Variants in ZNF682 observed in about 807,000 individuals in gnomAD.
ZNF682 encodes the protein zinc finger protein 682.
Under a neutral mutation model 36.5 loss-of-function variants are expected in ZNF682, and 29 were observed. That is an observed-to-expected ratio of 0.80 (90% CI 0.59 to 1.08). The LOEUF is 1.08. Among genes scored for constraint, ZNF682 ranks in the 50% least tolerant of loss-of-function variants. The pLI is 0.00. For synonymous variants in ZNF682, 180 were observed against 197.0 expected (o/e 0.91, Z 0.72); for missense variants, 561 against 579.7 (o/e 0.97, Z 0.33).
At chr19:20,007,331 AT>A in intron 3 of ZNF682, 56 bp from the exon 4 acceptor site, 1 of 1,433,186 alleles carries the variant, frequency 7.0e-7, no homozygotes, top group South Asian at 1.4e-5. Context: ...TCAGATACAT[AT>A]ACTTTACAAA....
At chr19:20,000,484 G>A (rs1215103822), downstream of ZNF682, among the ~76,000 whole-genome samples, 1 of 152,154 alleles carries the variant, frequency 6.6e-6, no homozygotes, top group Non-Finnish European at 1.5e-5. Context: ...GTTTCATCTA[G>A]ACAGCCCCAC....
chr19:20,029,048 G>A (rs2088457091), intron 1 of ZNF682, among the ~76,000 whole-genome samples: 1 of 143,930 alleles, frequency 6.9e-6, no homozygotes, highest in Admixed American at 7.2e-5. Context: ...GCACGATCTT[G>A]GCTCACTGCA....
At chr19:19,997,620 T>C (rs2088135795) in intron 3 of ZNF682, among the ~76,000 whole-genome samples, 1 of 152,108 alleles carries the variant, frequency 6.6e-6, no homozygotes, top group South Asian at 2.1e-4. Context: ...CATTTGGAAG[T>C]GGTAGAAAAC....
chr19:20,030,242 A>T (rs984554002), intron 1 of ZNF682, among the ~76,000 whole-genome samples: 12 of 152,320 alleles, frequency 7.9e-5, no homozygotes, highest in African/African-American at 2.9e-4. Context: ...TAGAAGCTAA[A>T]TATTTAGTCT....
intron 3 of ZNF682, chr19:19,997,315 T>C (rs2088133885): frequency 2.5e-6 from 1 of 398,618 alleles, no homozygotes; most frequent in South Asian, 1.3e-4. Context: ...AGACAATGGC[T>C]ACAGCAAAGC....
At chr19:20,008,532 G>T (rs1353924827) in intron 3 of ZNF682, among the ~76,000 whole-genome samples, 1 of 152,144 alleles carries the variant, frequency 6.6e-6, no homozygotes, top group Non-Finnish European at 1.5e-5. Flanking sequence ...CCATCCTCGA[G>T]CCATGGCATC....
intron 2 of ZNF682, 23 bp downstream of exon 2, chr19:20,024,227 T>C (rs2088411575): frequency 1.2e-6 from 2 of 1,612,088 alleles, no homozygotes; most frequent in Non-Finnish European, 8.5e-7. Flanking sequence ...GAAATAGAAA[T>C]TGTGTATTGA....
chr19:20,039,079 C>G, intron 1 of ZNF682: 2 of 1,307,966 alleles, frequency 1.5e-6, no homozygotes, highest in South Asian at 1.8e-5. Context: ...GGGGCAGACG[C>G]AAGAACGCGC....
intron 3 of ZNF682, among the ~76,000 whole-genome samples, chr19:20,014,528 T>C (rs1403590804): frequency 1.3e-5 from 2 of 151,818 alleles, no homozygotes; most frequent in Non-Finnish European, 2.9e-5. Context: ...TCCCAGGACT[T>C]TGGGAGGCCC....
chr19:20,024,402 A>C lies in ZNF682; in HGVS notation c.4-26T>G, dbSNP rs1285044188. 9.4e-6 allele frequency: 15 copies of C among 1,596,130 alleles called. No individual in the cohort carries two copies. The South Asian group carries it at 1.5e-4, about 16-fold the overall frequency. On this transcript the variant is annotated intron_variant, in intron 1 of 3. Transcript: ENST00000397165. ...CTGAAAAACAAAACAAAACATAGTG[A>C]CCAACTGTCAATGGGCAGAGTTCTT... is the stretch of plus-strand genomic sequence containing the variant.
intron 2 of ZNF682, among the ~76,000 whole-genome samples, chr19:20,023,326 A>G (rs1197908602): frequency 2.6e-5 from 4 of 151,140 alleles, no homozygotes; most frequent in Admixed American, 2.6e-4. Flanking sequence ...GTGAAACCCC[A>G]TCTCTACTAG....
At chr19:20,002,206 C>CCGAGTAGCTGGGACTACAGG (rs2088172179), downstream of ZNF682, among the ~76,000 whole-genome samples, 1 of 152,034 alleles carries the variant, frequency 6.6e-6, no homozygotes, top group Admixed American at 6.6e-5. Context: ...CCTCAACCTC[C>CCGAGTAGCTGGGACTACAGG]CGAGTAGCTG....
intron 3 of ZNF682, among the ~76,000 whole-genome samples, chr19:20,012,528 G>A (rs923310723): frequency 6.6e-6 from 1 of 152,122 alleles, no homozygotes; most frequent in Non-Finnish European, 1.5e-5. Context: ...AGCACTTTGG[G>A]AGGCCGAGGC....
Position 20,006,983 on chromosome 19 carries a change from GAA to G in ZNF682, c.517_518del (p.Phe173GlnfsTer10), listed in dbSNP as rs763210437. ...AGACTTTGCCACATTGCATACATTT[GAA>G]AAGTTTCTCTGTAGTATGTCTTATG... ...ENIRHTTEKLFKCMQCGKVFK... is the reference protein window; with the variant it reads ...ENIRHTTEKLXKCMQCGKVFK... On this transcript the variant is annotated frameshift_variant, in exon 4 of 4. Coordinates refer to ENST00000397165, the MANE Select transcript of ZNF682 (RefSeq NM_033196.3). LOFTEE classifies it high-confidence loss of function. 3 of 1,612,732 alleles carry G rather than the reference GAA, an allele frequency of 1.9e-6. No homozygotes were observed.
Position 20,006,720 on chromosome 19 carries a change from T to A in ZNF682, c.782A>T (p.Glu261Val). Residue 261 changes from glutamate (E) to valine (V), a missense_variant, in exon 4 of 4, where the codon GAA becomes GTA. Glu to Val is a moderately radical substitution (Grantham distance 121, BLOSUM62 -2). Coordinates refer to ENST00000397165, the MANE Select transcript of ZNF682 (RefSeq NM_033196.3). ...ACACCAGTGAAAGGCTTTTCCACAT[T>A]CTTCACATTTGTAGGGTTTCTCACC... is the stretch of plus-strand genomic sequence containing the variant. ...HTGEKPYKCE[E>V]CGKAFHWCSP... 1.2e-6 allele frequency: 2 copies of A among 1,614,040 alleles called. No homozygotes were observed. Among genetic ancestry groups the A allele is most frequent in the South Asian group, 2.2e-5 (2 of 91,074 alleles).
At chr19:20,017,930 C>T (rs78144738) in intron 3 of ZNF682, among the ~76,000 whole-genome samples, 9,554 of 151,974 alleles carry the variant, frequency 0.063, 528 homozygotes, top group East Asian at 0.2. Flanking sequence ...CCCACTCAAA[C>T]ATATTCTTGC....
chr19:19,995,465 A>G (rs1372565941), downstream of ZNF682, among the ~76,000 whole-genome samples: 2 of 152,192 alleles, frequency 1.3e-5, no homozygotes, highest in Non-Finnish European at 2.9e-5. Context: ...GAATGGGCTC[A>G]AGGAACGCAA....
intron 3 of ZNF682, among the ~76,000 whole-genome samples, chr19:20,017,636 A>G (rs1385286962): frequency 2.0e-5 from 3 of 152,188 alleles, no homozygotes; most frequent in Non-Finnish European, 4.4e-5. Context: ...CTCATTCTCA[A>G]TCATGAATAT....
intron 3 of ZNF682, among the ~76,000 whole-genome samples, chr19:20,018,699 C>G (rs1050757113): frequency 6.6e-6 from 1 of 152,024 alleles, no homozygotes; most frequent in African/African-American, 2.4e-5. Context: ...TGAGCCCTTC[C>G]GTTACATGCA....
Sources: gnomAD v4.1 joint callset for allele counts (sites outside exome capture counted in the v4.1 genomes callset) on GRCh38, gnomAD v4.1.1 for gene constraint, MANE v1.5 for transcripts, NCBI Gene and HGNC (gene_info 2026-07-23, HGNC 2026-07-21) for gene names.